The following FBP2 variants were observed in gnomAD, a reference collection of about 807,000 sequenced individuals.
FBP2 encodes the protein fructose-bisphosphatase 2, also known as fructose-1,6-bisphosphatase isozyme 2.
A neutral mutation model predicts 31.6 loss-of-function variants in FBP2; 27 were observed. The observed-to-expected ratio is 0.85, with a 90% CI of 0.63 to 1.18. FBP2 has a LOEUF of 1.18. Ranked by LOEUF, FBP2 falls within the 50% of genes most tolerant of loss-of-function variation. The pLI is 0.00. For missense variants in FBP2, 421 were observed against 436.1 expected (o/e 0.97, Z 0.31); for synonymous variants, 168 against 179.8 (o/e 0.93, Z 0.53).
At chr9:94,574,182 C>T (rs1037754500) in intron 3 of FBP2, among the ~76,000 whole-genome samples, 1 of 152,044 alleles carries the variant, frequency 6.6e-6, no homozygotes, top group African/African-American at 2.4e-5. Flanking sequence ...TGATCATTTT[C>T]CCAAGATAAA....
At chr9:94,577,064 TGACTG>T (rs1827323111) in intron 3 of FBP2, among the ~76,000 whole-genome samples, 1 of 152,162 alleles carries the variant, frequency 6.6e-6, no homozygotes, top group Non-Finnish European at 1.5e-5. Context: ...CATTTCACCT[TGACTG>T]GTGACTTGCA....
At chr9:94,591,189 C>CA (rs1554748817) in intron 1 of FBP2, among the ~76,000 whole-genome samples, 1 of 152,226 alleles carries the variant, frequency 6.6e-6, no homozygotes. Context: ...CGCTGTGGAG[C>CA]GGGGGGTGGC....
intron 3 of FBP2, among the ~76,000 whole-genome samples, chr9:94,582,374 G>A (rs1827380826): frequency 6.6e-6 from 1 of 151,616 alleles, no homozygotes; most frequent in Non-Finnish European, 1.5e-5. Context: ...GTGTGTGTGT[G>A]TGTGTGTGTG....
chr9:94,561,352 A>ATTTTTT (rs1174386595), intron 6 of FBP2, among the ~76,000 whole-genome samples: 1,367 of 54,988 alleles, frequency 0.025, 311 homozygotes, highest in Middle Eastern at 0.036. Flanking sequence ...TGTGACCTGT[A>ATTTTTT]TTTTTTTTTT....
intron 1 of FBP2, among the ~76,000 whole-genome samples, chr9:94,590,497 T>C (rs532258225): frequency 9.8e-5 from 15 of 152,300 alleles, no homozygotes; most frequent in African/African-American, 3.6e-4. Context: ...TTGGTCTCAC[T>C]GACTTCAAGA....
intron 4 of FBP2, among the ~76,000 whole-genome samples, 172 bp downstream of exon 4, chr9:94,571,290 G>T (rs1290684243): frequency 6.6e-6 from 1 of 152,178 alleles, no homozygotes; most frequent in Non-Finnish European, 1.5e-5. Context: ...CTGGGACAGA[G>T]GCCCTTCATG....
chr9:94,587,160 G>T, intron 2 of FBP2, 147 bp downstream of exon 2: 2 of 669,316 alleles, frequency 3.0e-6, no homozygotes, highest in South Asian at 2.2e-5. Flanking sequence ...AGATTTCCAA[G>T]TAGAGAAGTA....
intron 1 of FBP2, among the ~76,000 whole-genome samples, chr9:94,592,953 C>T (rs2131464038): frequency 6.6e-6 from 1 of 152,290 alleles, no homozygotes; most frequent in African/African-American, 2.4e-5. Context: ...GTGGAAGAAA[C>T]CTCTGCGCTC....
intron 3 of FBP2, among the ~76,000 whole-genome samples, chr9:94,579,044 C>A: frequency 9.9e-5 from 1 of 10,084 alleles, no homozygotes; most frequent in African/African-American, 1.0e-3. Flanking sequence ...CAGAGAGAGA[C>A]TCTGTCAAAA....
At chr9:94,584,536 A>G (rs960852604) in intron 3 of FBP2, 41 bp downstream of exon 3, 1 of 1,263,154 alleles carries the variant, frequency 7.9e-7, no homozygotes, top group African/African-American at 1.5e-5. Context: ...TCCAGAGACC[A>G]CCACAGGAAG....
intron 5 of FBP2, among the ~76,000 whole-genome samples, chr9:94,564,924 TAGA>T (rs1487894238): frequency 1.3e-5 from 2 of 152,134 alleles, no homozygotes; most frequent in South Asian, 2.1e-4. Context: ...TTCAAAAAGC[TAGA>T]AGGAGGATAT....
chr9:94,577,596 A>G (rs1180306162), intron 3 of FBP2: 2 of 152,250 alleles, frequency 1.3e-5, no homozygotes, highest in Non-Finnish European at 2.9e-5. Flanking sequence ...GAATATAAAC[A>G]TTGAAAACTC....
intron 3 of FBP2, among the ~76,000 whole-genome samples, chr9:94,576,919 T>A (rs1827321692): frequency 6.6e-6 from 1 of 152,122 alleles, no homozygotes; most frequent in African/African-American, 2.4e-5. Flanking sequence ...CATTGGAAAC[T>A]GAGGTGAGGG....
At chr9:94,560,376 A>G (rs890988518) in intron 6 of FBP2, among the ~76,000 whole-genome samples, 1 of 152,144 alleles carries the variant, frequency 6.6e-6, no homozygotes, top group Non-Finnish European at 1.5e-5. Context: ...TGGACTTTTT[A>G]GGTCTATTTC....
Position 94,559,000 on chromosome 9 carries a change from C to T in FBP2, c.958G>A (p.Gly320Arg). 1.2e-6 allele frequency: 2 copies of T among 1,614,058 alleles called. No homozygotes were observed. The highest frequency in any genetic ancestry group is 4.5e-5 in the East Asian group (2 of 44,846). ...AIHQRVPLILGSPEDVQEYLT... is the reference protein window; with the variant it reads ...AIHQRVPLILRSPEDVQEYLT... ...TATTCCTGCACATCCTCTGGTGACC[C>T]CAGAATGAGGGGGACTCGCTGGTGA... The change falls in exon 7 of 7, where the codon GGG becomes AGG. Residue 320 changes from glycine (G) to arginine (R), a missense_variant. Coordinates refer to ENST00000375337, the MANE Select transcript of FBP2 (RefSeq NM_003837.4).
At chr9:94,572,207 G>T (rs1362786789) in intron 3 of FBP2, among the ~76,000 whole-genome samples, 1 of 152,030 alleles carries the variant, frequency 6.6e-6, no homozygotes, top group African/African-American at 2.4e-5. Context: ...GCTCCTTCTG[G>T]TCCTTCTGTG....
chr9:94,571,389 G>T (rs1321989916), intron 4 of FBP2, 73 bp downstream of exon 4: 4 of 1,405,042 alleles, frequency 2.8e-6, no homozygotes, highest in Non-Finnish European at 3.8e-6. Context: ...GGACATTATC[G>T]CAGAGAACTG....
chr9:94,584,417 G>A (rs578152190), intron 3 of FBP2, among the ~76,000 whole-genome samples, 160 bp downstream of exon 3: 1 of 151,658 alleles, frequency 6.6e-6, no homozygotes, highest in Non-Finnish European at 1.5e-5. Flanking sequence ...TTCTTCTAAT[G>A]AGGAGCCCCA....
At chr9:94,578,563 A>G (rs1827340723) in intron 3 of FBP2, among the ~76,000 whole-genome samples, 1 of 152,086 alleles carries the variant, frequency 6.6e-6, no homozygotes. Context: ...AAATTATAAT[A>G]AATTATGGGA....
Sources: gnomAD v4.1 joint callset for allele counts (sites outside exome capture counted in the v4.1 genomes callset) on GRCh38, gnomAD v4.1.1 for gene constraint, MANE v1.5 for transcripts, NCBI Gene and HGNC (gene_info 2026-07-23, HGNC 2026-07-21) for gene names.